CMIP: variants seen among roughly 807,000 people sequenced by gnomAD.
The protein encoded by CMIP is C-Maf-inducing protein.
Under a neutral mutation model 97.3 loss-of-function variants are expected in CMIP, and 13 were observed. The observed-to-expected ratio is 0.13, with a 90% CI of 0.09 to 0.21. The LOEUF is 0.21. Among genes scored for constraint, CMIP ranks in the 10% least tolerant of loss-of-function variants. CMIP has a pLI of 1.00. For synonymous variants in CMIP, 538 were observed against 436.3 expected (o/e 1.23, Z -2.91); for missense variants, 847 against 1,024.9 (o/e 0.83, Z 2.37).
Position 81,705,661 on chromosome 16 carries a change from G to C in CMIP, c.2197+57G>C, listed in dbSNP as rs1193999421. 2.5e-6 allele frequency: 3 copies of C among 1,191,228 alleles called. No individual in the cohort carries two copies. The East Asian group carries it at 7.6e-5, about 30-fold the overall frequency. 73.8% of individuals were successfully genotyped at this position (1,191,228 alleles called of 1,614,324 possible). ...GGGCCGCTTGATTCATTCCTTCCTTGCTTCAGCCAAACTGGCCAAGCACTG... is the reference window on the plus strand; with the variant it reads ...GGGCCGCTTGATTCATTCCTTCCTTCCTTCAGCCAAACTGGCCAAGCACTG... On this transcript the variant is annotated intron_variant, in intron 19 of 20. Transcript: ENST00000537098.
In CMIP at chr16:81,513,769, C is replaced by G. The variant is rs577409510; in HGVS notation, c.300+68228C>G. 4.6e-5 allele frequency among the ~76,000 whole-genome samples: 7 copies of G among 152,378 alleles called. No individual in the cohort carries two copies. In the South Asian group the frequency reaches 1.4e-3, roughly 32 times the overall value. On this transcript the variant is annotated intron_variant, in intron 1 of 20. Coordinates refer to ENST00000537098, the MANE Select transcript of CMIP (RefSeq NM_198390.3). The stretch of plus-strand genomic sequence containing the variant: ...AGGCATGGCCCTAGCTGGCTCCAGA[C>G]TTAGTGCCATTACTTCCTGGTGTGA...
rs770352483 is a variant in CMIP at position 81,692,588 on chromosome 16, C to T, written c.1455-570C>T. ...GCTGCCTCTGTAAGGGCACATTACA[C>T]GCAGTAATTGCCCCATGTGCTGGCC... On this transcript the variant is annotated intron_variant, in intron 11 of 20. Coordinates refer to ENST00000537098, the MANE Select transcript of CMIP (RefSeq NM_198390.3). 1.6e-4 allele frequency among the ~76,000 whole-genome samples: 24 copies of T among 152,214 alleles called. 1 individual carries two copies. The highest frequency in any genetic ancestry group is 2.1e-4 in the South Asian group (1 of 4,826).
At chr16:81,449,176 G>A (rs925771886) in intron 1 of CMIP, among the ~76,000 whole-genome samples, 3 of 152,196 alleles carry the variant, frequency 2.0e-5, no homozygotes, top group African/African-American at 4.8e-5. Context: ...TGTGGCACAC[G>A]GTATTTCAGA....
At chr16:81,650,067 G>C (rs2092409485) in intron 3 of CMIP, among the ~76,000 whole-genome samples, 1 of 152,228 alleles carries the variant, frequency 6.6e-6, no homozygotes, top group Admixed American at 6.5e-5. Context: ...CGCCTCAGTG[G>C]ACTGGGTGCG....
chr16:81,589,594 C>T (rs1279518073), intron 1 of CMIP, among the ~76,000 whole-genome samples: 2 of 151,980 alleles, frequency 1.3e-5, no homozygotes, highest in Admixed American at 1.3e-4. Flanking sequence ...CTCTGTGGGA[C>T]GATGCAGGCA....
intron 5 of CMIP, 66 bp downstream of exon 5, chr16:81,657,882 T>G: frequency 7.3e-7 from 1 of 1,369,108 alleles, no homozygotes; most frequent in Non-Finnish European, 1.0e-6. Context: ...ACCCTTTTCC[T>G]GGTTTGGGGT....
At chr16:81,541,789 A>C (rs1467452894) in intron 1 of CMIP, among the ~76,000 whole-genome samples, 3 of 152,210 alleles carry the variant, frequency 2.0e-5, no homozygotes, top group African/African-American at 7.2e-5. Flanking sequence ...CAGAAGCTGC[A>C]GCTTGTCAAT....
In CMIP at chr16:81,668,514, C is replaced by G. The variant is rs571822835; in HGVS notation, c.826-1628C>G. 2.0e-3 allele frequency among the ~76,000 whole-genome samples: 302 copies of G among 152,256 alleles called. 1 individual carries two copies. The highest frequency in any genetic ancestry group is 6.7e-3 in the African/African-American group (280 of 41,534). ...TGTCTTCCTGACACCTGGAAGAGGC[C>G]GAGCACGGCAGCCACCACATATGGC... On this transcript the variant is annotated intron_variant, in intron 7 of 20. Transcript: ENST00000537098.
At chr16:81,496,553 TTGAA>T (rs1213466688) in intron 1 of CMIP, among the ~76,000 whole-genome samples, 1 of 152,204 alleles carries the variant, frequency 6.6e-6, no homozygotes, top group African/African-American at 2.4e-5. Context: ...ATAAAACCCT[TTGAA>T]TGGATGACGA....
At chr16:81,605,089 A>G (rs1433090221) in intron 1 of CMIP, among the ~76,000 whole-genome samples, 1 of 152,180 alleles carries the variant, frequency 6.6e-6, no homozygotes, top group African/African-American at 2.4e-5. Context: ...TACAGAACCA[A>G]CCACCAAGCC....
chr16:81,499,293 A>G (rs1351739172), intron 1 of CMIP, among the ~76,000 whole-genome samples: 1 of 152,136 alleles, frequency 6.6e-6, no homozygotes, highest in African/African-American at 2.4e-5. Context: ...CCTCACACCT[A>G]TGCATGGAAG....
chr16:81,489,245 G>GA (rs2089368172), intron 1 of CMIP, among the ~76,000 whole-genome samples: 1 of 152,178 alleles, frequency 6.6e-6, no homozygotes, highest in Admixed American at 6.5e-5. Context: ...GACTTGAGGG[G>GA]TGAGGGAGGG....
intron 1 of CMIP, among the ~76,000 whole-genome samples, chr16:81,592,318 C>A (rs940822710): frequency 2.0e-4 from 31 of 152,310 alleles, no homozygotes; most frequent in Admixed American, 7.8e-4. Context: ...TGTACCCAAG[C>A]CTCCTCTGAC....
At chr16:81,579,634 G>A (rs1011853337) in intron 1 of CMIP, among the ~76,000 whole-genome samples, 1 of 152,176 alleles carries the variant, frequency 6.6e-6, no homozygotes, top group Non-Finnish European at 1.5e-5. Flanking sequence ...CCCCCTGAAG[G>A]CAACACCTCC....
intron 1 of CMIP, among the ~76,000 whole-genome samples, chr16:81,527,761 T>C (rs1022908308): frequency 5.3e-5 from 8 of 152,230 alleles, no homozygotes; most frequent in African/African-American, 1.9e-4. Flanking sequence ...CTACATTCTG[T>C]TTAGAGCTGA....
intron 1 of CMIP, among the ~76,000 whole-genome samples, chr16:81,537,546 C>CCA (rs1453307752): frequency 6.6e-3 from 545 of 82,102 alleles, no homozygotes; most frequent in African/African-American, 0.018. Context: ...AAAAAAAAGA[C>CCA]AAAAAAAAAA....
At chr16:81,662,582 G>A (rs569314543) in intron 6 of CMIP, among the ~76,000 whole-genome samples, 6 of 152,282 alleles carry the variant, frequency 3.9e-5, no homozygotes, top group South Asian at 4.2e-4. Context: ...CCCGCGCTGC[G>A]TCCGCTCTGC....
intron 10 of CMIP, among the ~76,000 whole-genome samples, chr16:81,685,450 C>CCA (rs1482280551): frequency 6.6e-6 from 1 of 152,218 alleles, no homozygotes; most frequent in Non-Finnish European, 1.5e-5. Context: ...ACCCTGATTC[C>CCA]TCTGATTGTG....
chr16:81,636,538 G>A (rs909789516), intron 3 of CMIP, among the ~76,000 whole-genome samples: 3 of 145,568 alleles, frequency 2.1e-5, no homozygotes, highest in Non-Finnish European at 3.0e-5. Context: ...CCAAGATTGC[G>A]CCACTGCATT....
Sources: allele counts gnomAD v4.1 joint callset (sites outside exome capture counted in the v4.1 genomes callset), GRCh38; gene constraint gnomAD v4.1.1; transcripts MANE v1.5; gene names NCBI Gene and HGNC (gene_info 2026-07-23, HGNC 2026-07-21).